ABCA9: variants seen among roughly 807,000 people sequenced by gnomAD.
ABCA9 encodes ATP binding cassette subfamily A member 9.
Under a neutral mutation model 205.3 loss-of-function variants are expected in ABCA9, and 183 were observed. The observed-to-expected ratio is 0.89, with a 90% CI of 0.79 to 1.01. The LOEUF (loss-of-function observed/expected upper bound fraction) is 1.01, where lower values mean the gene tolerates loss of function less well. ABCA9 is among the 50% of genes least tolerant of loss of function. The pLI is 0.00. For missense variants in ABCA9, 1,805 were observed against 1,912.4 expected (o/e 0.94, Z 1.05); for synonymous variants, 651 against 683.3 (o/e 0.95, Z 0.74).
intron 26 of ABCA9, among the ~76,000 whole-genome samples, chr17:68,993,495 C>A (rs1361622546): frequency 6.6e-6 from 1 of 152,232 alleles, no homozygotes; most frequent in East Asian, 1.9e-4. Context: ...CCTCTTACAG[C>A]CACTTTTGAG....
intron 9 of ABCA9, 106 bp from the exon 10 acceptor site, chr17:69,032,382 A>G (rs2071182241): frequency 1.9e-6 from 2 of 1,027,474 alleles, no homozygotes; most frequent in South Asian, 3.4e-5. Context: ...CCACATTATC[A>G]TATTAAGGTC....
the ABCA9 span, among the ~76,000 whole-genome samples, chr17:69,069,481 G>A: frequency 6.6e-6 from 1 of 151,910 alleles, no homozygotes; most frequent in East Asian, 1.9e-4. Context: ...GGGGAGGAGG[G>A]TCTGACCTCC....
chr17:69,053,014 T>C (rs181699805), intron 1 of ABCA9, among the ~76,000 whole-genome samples: 1 of 152,246 alleles, frequency 6.6e-6, no homozygotes, highest in African/African-American at 2.4e-5. Flanking sequence ...ACTCTCTGGG[T>C]GCACCACATT....
chr17:69,059,713 C>T (rs1485162862), intron 1 of ABCA9, among the ~76,000 whole-genome samples: 1 of 148,394 alleles, frequency 6.7e-6, no homozygotes, highest in East Asian at 2.0e-4. Context: ...AACATGGGGG[C>T]AGGGTTGGGG....
intron 1 of ABCA9, among the ~76,000 whole-genome samples, chr17:69,052,926 A>C (rs1567975695): frequency 1.3e-5 from 2 of 152,344 alleles, no homozygotes; most frequent in East Asian, 3.9e-4. Flanking sequence ...TTTATTACAA[A>C]GGATAAAACT....
chr17:69,032,596 T>C (rs2071190204), intron 9 of ABCA9: 1 of 182,144 alleles, frequency 5.5e-6, no homozygotes, highest in African/African-American at 2.4e-5. Flanking sequence ...TACTTATGTG[T>C]CCTTTTTATT....
At position 68,984,954 on chromosome 17, in the gene ABCA9, C is replaced by A. The variant is rs1432726548; in HGVS notation, c.4310G>T (p.Gly1437Val). The A allele has an allele frequency of 1.9e-6, 3 of 1,614,124 alleles. No homozygotes were observed. In the South Asian group the frequency reaches 3.3e-5, roughly 18 times the overall value. ...RKLCFVLSILGNPSVVLLDEP... is the reference protein window; with the variant it reads ...RKLCFVLSILVNPSVVLLDEP... ...ATCCAGAAGCACCACTGACGGGTTC[C>A]CCAGGATGCTCAGCACAAAGCACAG... Residue 1437 changes from glycine (G) to valine (V), a missense_variant, in exon 34 of 39, where the codon GGG becomes GTG. By Grantham distance (109) the Gly-to-Val change is moderately radical. Transcript: ENST00000340001.
chr17:69,003,606 T>C (rs1185129188), intron 25 of ABCA9, among the ~76,000 whole-genome samples: 1 of 145,724 alleles, frequency 6.9e-6, no homozygotes, highest in African/African-American at 2.6e-5. Flanking sequence ...TTGGAGTTGC[T>C]CTTCTCGAGG....
At chr17:68,989,256 T>TCTCTCTCACACACA (rs138281321) in intron 30 of ABCA9, 138 bp from the exon 31 acceptor site, 8 of 242,992 alleles carry the variant, frequency 3.3e-5, no homozygotes, top group South Asian at 7.7e-5. Flanking sequence ...TCTCTCTCTC[T>TCTCTCTCACACACA]CACACACACA....
At chr17:69,033,527 T>TA (rs1401828811) in intron 9 of ABCA9, 199 bp downstream of exon 9, 1 of 395,882 alleles carries the variant, frequency 2.5e-6, no homozygotes. Context: ...TGTCTCTTTT[T>TA]AAAAAGAAAC....
At position 69,026,447 on chromosome 17, in the gene ABCA9, T is replaced by C. The variant is rs2070988845; in HGVS notation, c.2071A>G (p.Asn691Asp). Residue 691 changes from asparagine to aspartate, a missense_variant, in exon 16 of 39, where the codon AAT (asparagine) becomes GAT (aspartate). Asn to Asp is a conservative substitution (Grantham distance 23). Coordinates refer to ENST00000340001, the MANE Select transcript of ABCA9 (RefSeq NM_080283.4). ...GAGCCTGCACACTTCAGCTTCCCAT[T>C]GGATATGAACACCTTCCTGTCTAGT... ...ILADRKVFIS[N>D]GKLKCAGSSL... 1.2e-6 allele frequency: 2 copies of C among 1,613,620 alleles called. No individual in the cohort carries two copies. The highest frequency in any genetic ancestry group is 1.7e-6 in the Non-Finnish European group (2 of 1,179,696).
chr17:69,024,242 C>A lies in ABCA9; in HGVS notation c.2253G>T (p.Leu751Phe). 1 of 1,612,840 alleles carries A rather than the reference C, an allele frequency of 6.2e-7. No individual in the cohort carries two copies. The highest frequency in any genetic ancestry group is 8.5e-7 in the Non-Finnish European group (1 of 1,179,426). The change falls in exon 17 of 39, where the codon TTG (leucine) becomes TTT (phenylalanine). Residue 751 changes from leucine (L) to phenylalanine (F), a missense_variant. Coordinates refer to ENST00000340001, the MANE Select transcript of ABCA9 (RefSeq NM_080283.4). ...GAAATTTGTTTGTCCTTTCCAAAGG[C>A]AAAATATATACAAGTTTTTCTTCAC... ...AQSEEKLVYI[L>F]PLERTNKFPE...
At chr17:68,988,060 G>A (rs375979130) in intron 31 of ABCA9, among the ~76,000 whole-genome samples, 76 of 152,140 alleles carry the variant, frequency 5.0e-4, no homozygotes, top group South Asian at 6.2e-4. Flanking sequence ...CACCGTGCCC[G>A]GACCTCATTT....
At chr17:68,987,205 C>T (rs1450505575) in intron 31 of ABCA9, among the ~76,000 whole-genome samples, 1 of 152,140 alleles carries the variant, frequency 6.6e-6, no homozygotes, top group African/African-American at 2.4e-5. Context: ...GAAACTTGTA[C>T]AAGGTCACAA....
In ABCA9 at chr17:69,033,540, T is replaced by G; in HGVS notation, c.1276+186A>C. 1.1e-5 allele frequency: 5 copies of G among 435,520 alleles called. No individual in the cohort carries two copies. The South Asian group carries it at 1.8e-4, about 16-fold the overall frequency. 27.0% of individuals were successfully genotyped at this position (435,520 alleles called of 1,614,324 possible). Reference sequence around the variant, plus strand: ...AGTGTCTCTTTTTAAAAAGAAACACTCTGGAGTGTTATAGCAGAGCCAAGT... The same window carrying G: ...AGTGTCTCTTTTTAAAAAGAAACACGCTGGAGTGTTATAGCAGAGCCAAGT... On this transcript the variant is annotated intron_variant, in intron 9 of 38. Transcript: ENST00000340001.
At chr17:69,028,138 G>C (rs189716740) in intron 12 of ABCA9, among the ~76,000 whole-genome samples, 1 of 152,230 alleles carries the variant, frequency 6.6e-6, no homozygotes, top group Non-Finnish European at 1.5e-5. Flanking sequence ...AATGAGTAAT[G>C]AAACTATTGA....
intron 3 of ABCA9, among the ~76,000 whole-genome samples, chr17:69,046,901 ATATATATATATAAAATTT>A (rs1325040326): frequency 8.6e-6 from 1 of 116,940 alleles, no homozygotes; most frequent in Non-Finnish European, 1.7e-5. Flanking sequence ...ATATATATAT[ATATATATATATAAAATTT>A]TATATATATA....
Position 68,984,070 on chromosome 17 carries a change from C to T in ABCA9, c.4485G>A (p.Val1495=), listed in dbSNP as rs144433154. The change falls in exon 35 of 39, where the codon GTG becomes GTA. Residue 1495 remains valine (V), a synonymous_variant. Transcript: ENST00000340001. ...CAGGCACTCACCTCAGCCTTCCTGA[C>T]ACCATGATGGCCACTCGGTCACACA... ...EAVCDRVAIM[V]SGRLRCIGSI... is the part of the protein sequence containing the mutation. 5.0e-6 allele frequency: 8 copies of T among 1,614,038 alleles called. No individual in the cohort carries two copies. In the African/African-American group the frequency reaches 9.3e-5, roughly 19 times the overall value.
chr17:69,053,031 A>T (rs1180227508), intron 1 of ABCA9, among the ~76,000 whole-genome samples: 1 of 152,184 alleles, frequency 6.6e-6, no homozygotes, highest in Non-Finnish European at 1.5e-5. Flanking sequence ...CATTCCCAGC[A>T]CCTTGAGATG....
Sources: gnomAD v4.1 joint callset for allele counts (sites outside exome capture counted in the v4.1 genomes callset) on GRCh38, gnomAD v4.1.1 for gene constraint, MANE v1.5 for transcripts, NCBI Gene and HGNC (gene_info 2026-07-23, HGNC 2026-07-21) for gene names.